UNC13B: variants seen among roughly 807,000 people sequenced by gnomAD.
UNC13B encodes protein unc-13 homolog B.
A neutral mutation model predicts 211.0 loss-of-function variants in UNC13B; 144 were observed. The ratio of observed to expected loss-of-function variants is 0.68; its 90% CI spans 0.60 to 0.78. The LOEUF is 0.78. UNC13B is among the 30% of genes least tolerant of loss of function. UNC13B has a pLI of 0.00. For missense variants in UNC13B, 1,777 were observed against 2,002.0 expected, an observed-to-expected ratio of 0.89 and a Z score of 2.14; for synonymous variants, 709 against 725.8, an observed-to-expected ratio of 0.98 and a Z score of 0.37.
intron 26 of UNC13B, among the ~76,000 whole-genome samples, chr9:35,395,920 T>A (rs1835842251): frequency 6.6e-6 from 1 of 152,190 alleles, no homozygotes; most frequent in Non-Finnish European, 1.5e-5. Flanking sequence ...CTGGAGCCCT[T>A]CAGTTTGCCT....
Position 35,403,213 on chromosome 9 carries a change from C to T in UNC13B, c.12531C>T (p.Asp4177=). ...DPVGEVSIQV[D]LFTHPGTGEH... is the part of the protein sequence containing the mutation. Reference sequence around the variant, plus strand: ...TGGGAGAAGTCTCTATTCAGGTGGACTTGTTTACACACCCTGGTACTGGGG... The same window carrying T: ...TGGGAGAAGTCTCTATTCAGGTGGATTTGTTTACACACCCTGGTACTGGGG... Residue 4177 remains aspartate (D), a synonymous_variant, in exon 38 of 40, where the codon GAC becomes GAT. Transcript: ENST00000635942. The T allele has an allele frequency of 6.2e-7, 1 of 1,614,126 alleles. No individual in the cohort carries two copies. The highest frequency in any genetic ancestry group is 8.5e-7 in the Non-Finnish European group (1 of 1,179,990).
intron 11 of UNC13B, 112 bp downstream of exon 11, chr9:35,314,101 G>C: frequency 1.2e-6 from 1 of 866,122 alleles, no homozygotes; most frequent in Non-Finnish European, 1.9e-6. Context: ...TGTGCTTCTG[G>C]GAATGCATGA....
chr9:35,288,552 AG>A (rs1391788597), intron 7 of UNC13B, among the ~76,000 whole-genome samples: 1 of 152,114 alleles, frequency 6.6e-6, no homozygotes, highest in East Asian at 1.9e-4. Context: ...TCTGCTGGCT[AG>A]TTATGTGTTT....
At chr9:35,314,016 G>A in intron 11 of UNC13B, 27 bp downstream of exon 11, 2 of 1,585,290 alleles carry the variant, frequency 1.3e-6, no homozygotes, top group Non-Finnish European at 1.7e-6. Flanking sequence ...AGTACTGGTT[G>A]GGACAATTTT....
At chr9:35,346,154 C>G (rs1417765987) in intron 11 of UNC13B, among the ~76,000 whole-genome samples, 1 of 152,154 alleles carries the variant, frequency 6.6e-6, no homozygotes, top group Non-Finnish European at 1.5e-5. Flanking sequence ...AAATCCATTC[C>G]TCTTAGCCCA....
rs1284782055 is a variant in UNC13B, at chr9:35,300,453, A to G, written c.1049A>G (p.His350Arg). Residue 350 changes from histidine (H) to arginine (R), a missense_variant, in exon 9 of 40, where the codon CAC (histidine) becomes CGC (arginine). Coordinates refer to ENST00000635942, the MANE Select transcript of UNC13B (RefSeq NM_001371189.2). ...TATGATCTGTCCAGTTGTTTAAGGCACTGTGAAAAGTCATCTGGCTCAAAC... is the reference window on the plus strand; with the variant it reads ...TATGATCTGTCCAGTTGTTTAAGGCGCTGTGAAAAGTCATCTGGCTCAAAC... ...HDYDLSSCLRHCEKSSGSNQH... is the reference protein window; with the variant it reads ...HDYDLSSCLRRCEKSSGSNQH... The G allele has an allele frequency of 3.8e-5, 15 of 398,936 alleles. No individual in the cohort carries two copies. The East Asian group carries it at 4.6e-4, about 12-fold the overall frequency. The allele number at this position is 398,936 out of a possible 1,614,324, so 24.7% of individuals were successfully genotyped here.
intron 7 of UNC13B, among the ~76,000 whole-genome samples, chr9:35,271,120 C>T (rs923264576): frequency 4.7e-5 from 6 of 127,596 alleles, no homozygotes; most frequent in African/African-American, 1.5e-4. Flanking sequence ...GCCTGGATGA[C>T]AGAGTGAGAC....
intron 5 of UNC13B, 54 bp downstream of exon 5, chr9:35,237,880 T>C: frequency 6.5e-7 from 1 of 1,539,956 alleles, no homozygotes; most frequent in Admixed American, 2.0e-5. Context: ...TTTGGAATTG[T>C]TTGCTAGTTG....
Position 35,305,022 on chromosome 9 carries a change from A to C in UNC13B, c.5618A>C (p.Lys1873Thr). 1 of 398,988 alleles carries C rather than the reference A, an allele frequency of 2.5e-6. No individual in the cohort carries two copies. The highest frequency in any genetic ancestry group is 4.4e-6 in the Non-Finnish European group (1 of 226,006). The allele number at this position is 398,988 out of a possible 1,614,324, so 24.7% of individuals were successfully genotyped here. The change falls in exon 9 of 40, where the codon AAA becomes ACA. Residue 1873 changes from lysine (K) to threonine (T), a missense_variant. Lys to Thr is a moderately conservative substitution (Grantham distance 78). Coordinates refer to ENST00000635942, the MANE Select transcript of UNC13B (RefSeq NM_001371189.2). ...QTTPQAKSGV[K>T]DDEIITTDSI... ...ACTCCTCAGGCTAAATCAGGTGTAA[A>C]AGATGATGAAATCATTACAACAGAC...
At chr9:35,376,965 C>CT (rs1564178457) in intron 15 of UNC13B, among the ~76,000 whole-genome samples, 1 of 152,214 alleles carries the variant, frequency 6.6e-6, no homozygotes, top group Non-Finnish European at 1.5e-5. Flanking sequence ...AAGTGGGAAA[C>CT]TATTTTCCTG....
intron 1 of UNC13B, among the ~76,000 whole-genome samples, chr9:35,191,114 C>A (rs555957326): frequency 7.2e-5 from 11 of 152,220 alleles, no homozygotes; most frequent in African/African-American, 2.6e-4. Flanking sequence ...TGCCAGCCAC[C>A]ACACCCAGCT....
Position 35,381,190 on chromosome 9 carries a change from A to G in UNC13B, c.10466A>G (p.His3489Arg), listed in dbSNP as rs915313211. The change falls in exon 19 of 40, where the codon CAC (histidine) becomes CGC (arginine). Residue 3489 changes from histidine (H) to arginine (R), a missense_variant. By Grantham distance (29) the His-to-Arg change is conservative. Coordinates refer to ENST00000635942, the MANE Select transcript of UNC13B (RefSeq NM_001371189.2). ...IKGEEKVAPY[H>R]VQYTCLHENL... ...GGGGAGGAGAAAGTAGCCCCATACCACGTGCAGTATACATGTCTCCATGAG... is the reference window on the plus strand; with the variant it reads ...GGGGAGGAGAAAGTAGCCCCATACCGCGTGCAGTATACATGTCTCCATGAG... 1 of 1,614,004 alleles carries G rather than the reference A, an allele frequency of 6.2e-7. No individual in the cohort carries two copies. Among genetic ancestry groups the G allele is most frequent in the Non-Finnish European group, 8.5e-7 (1 of 1,179,972 alleles).
At chr9:35,385,111 G>T (rs911601690) in intron 22 of UNC13B, 4 of 985,420 alleles carry the variant, frequency 4.1e-6, no homozygotes, top group Non-Finnish European at 4.8e-6. Flanking sequence ...GTGAAGACAG[G>T]CTCAGCATCT....
chr9:35,313,125 C>T lies in UNC13B; in HGVS notation c.9324-774C>T, dbSNP rs562549012. Among the ~76,000 whole-genome samples the T allele has an allele frequency of 4.7e-4, 71 of 152,248 alleles. 2 individuals are homozygous for T. The South Asian group carries it at 0.014, about 30-fold the overall frequency. The stretch of plus-strand genomic sequence containing the variant: ...CCCTCTCTGCATGGTTTCTATACTA[C>T]GTATTGACTCAGGGCTCTCGCCATT... On this transcript the variant is annotated intron_variant, in intron 10 of 39. Coordinates refer to ENST00000635942, the MANE Select transcript of UNC13B (RefSeq NM_001371189.2).
chr9:35,312,587 A>C (rs1830231325), intron 10 of UNC13B, among the ~76,000 whole-genome samples: 1 of 152,206 alleles, frequency 6.6e-6, no homozygotes, highest in African/African-American at 2.4e-5. Flanking sequence ...GTGAGAGTGA[A>C]ACCCAGTTCT....
intron 11 of UNC13B, among the ~76,000 whole-genome samples, chr9:35,316,880 A>G (rs138880703): frequency 1.4e-3 from 206 of 152,312 alleles, no homozygotes; most frequent in African/African-American, 4.7e-3. Flanking sequence ...TCATTCTATA[A>G]CAAAATATTA....
intron 1 of UNC13B, among the ~76,000 whole-genome samples, chr9:35,206,889 A>AC (rs938750228): frequency 1.6e-4 from 24 of 151,076 alleles, no homozygotes; most frequent in East Asian, 7.8e-4. Flanking sequence ...AAAAAAAAAA[A>AC]ACACACACAC....
At chr9:35,233,342 C>A (rs1825314764) in intron 3 of UNC13B, among the ~76,000 whole-genome samples, 1 of 152,170 alleles carries the variant, frequency 6.6e-6, no homozygotes, top group Admixed American at 6.6e-5. Flanking sequence ...TTTCCCATAG[C>A]ACTTCCCCTT....
intron 6 of UNC13B, among the ~76,000 whole-genome samples, chr9:35,258,080 T>C (rs1292182682): frequency 1.3e-5 from 2 of 152,238 alleles, no homozygotes; most frequent in Non-Finnish European, 2.9e-5. Context: ...TAGTGGATAC[T>C]CAATCAATAT....
Sources: gnomAD v4.1 joint callset for allele counts (sites outside exome capture counted in the v4.1 genomes callset) on GRCh38, gnomAD v4.1.1 for gene constraint, MANE v1.5 for transcripts, NCBI Gene and HGNC (gene_info 2026-07-23, HGNC 2026-07-21) for gene names.